The following CATSPERD variants were observed in gnomAD, a reference collection of about 807,000 sequenced individuals.
CATSPERD encodes catsper channel auxiliary subunit delta.
In CATSPERD, 86 loss-of-function variants were observed where a neutral mutation model predicts 98.1. The observed-to-expected ratio is 0.88, with a 90% CI of 0.74 to 1.05. The LOEUF is 1.05. Ranked by LOEUF, CATSPERD falls within the 50% of genes least tolerant of loss-of-function variation. CATSPERD has a pLI of 0.00. For missense variants in CATSPERD, 995 were observed against 1,005.7 expected (o/e 0.99, Z 0.14); for synonymous variants, 394 against 390.2 (o/e 1.01, Z -0.12).
chr19:5,762,058 A>ATATATATATATATATTTTTTTTTT lies in CATSPERD; in HGVS notation c.1428-1156_1428-1155insATATATATATATATTTTTTTTTTT. Among the ~76,000 whole-genome samples, 17 of 10,430 alleles carry ATATATATATATATATTTTTTTTTT rather than the reference A, an allele frequency of 1.6e-3. 1 individual carries two copies. The highest frequency in any genetic ancestry group is 2.3e-3 in the Non-Finnish European group (13 of 5,576). 6.8% of individuals were successfully genotyped at this position (10,430 alleles called of 152,430 possible). On this transcript the variant is annotated intron_variant, in intron 15 of 21. Transcript: ENST00000381624. ...TGGCCTGCCATATATATATATATAT[A>ATATATATATATATATTTTTTTTTT]TTTTTTTTTTTTTTTTTTTTTTTGA...
chr19:5,761,715 T>C (rs1322447381), intron 15 of CATSPERD, among the ~76,000 whole-genome samples: 2 of 118,008 alleles, frequency 1.7e-5, no homozygotes, highest in African/African-American at 6.1e-5. Context: ...TTTTTTTTTT[T>C]TTCTGAGATG....
chr19:5,758,203 T>C (rs936782655), intron 14 of CATSPERD, among the ~76,000 whole-genome samples: 5 of 151,940 alleles, frequency 3.3e-5, no homozygotes, highest in Admixed American at 2.6e-4. Flanking sequence ...AACTGAGGCA[T>C]GAGGATTGCG....
intron 13 of CATSPERD, among the ~76,000 whole-genome samples, 174 bp from the exon 14 acceptor site, chr19:5,757,669 G>A (rs2056351209): frequency 6.8e-6 from 1 of 146,774 alleles, no homozygotes; most frequent in Admixed American, 7.0e-5. Flanking sequence ...TTGAACTCCT[G>A]GGCTCAAGCA....
At chr19:5,748,732 T>A (rs1160908078) in intron 10 of CATSPERD, among the ~76,000 whole-genome samples, 2 of 138,708 alleles carry the variant, frequency 1.4e-5, no homozygotes, top group African/African-American at 5.3e-5. Context: ...ATTATTCTTT[T>A]TTTTTTTTTT....
At chr19:5,732,704 G>T (rs909777373) in intron 4 of CATSPERD, among the ~76,000 whole-genome samples, 1 of 151,656 alleles carries the variant, frequency 6.6e-6, no homozygotes, top group Non-Finnish European at 1.5e-5. Context: ...TTTTGAGACC[G>T]AGTCTCTGTC....
rs546159730 is a variant in CATSPERD, at chr19:5,726,019, A to G, written c.126+1157A>G. The stretch of plus-strand genomic sequence containing the variant: ...TAATCATCTGTAAACAAATAGTAAC[A>G]TGAATAGGTATGAGATGTGATATGA... On this transcript the variant is annotated intron_variant, in intron 2 of 21. Coordinates refer to ENST00000381624, the MANE Select transcript of CATSPERD (RefSeq NM_152784.4). Among the ~76,000 whole-genome samples the G allele has an allele frequency of 1.9e-4, 29 of 152,200 alleles. 1 individual carries two copies. The South Asian group carries it at 5.8e-3, about 31-fold the overall frequency.
At chr19:5,752,077 G>T (rs754737260) in intron 12 of CATSPERD, among the ~76,000 whole-genome samples, 1 of 152,118 alleles carries the variant, frequency 6.6e-6, no homozygotes, top group Non-Finnish European at 1.5e-5. Flanking sequence ...GGGAGACTGA[G>T]GCAGGTGGAT....
chr19:5,774,988 G>T (rs2056714955), intron 20 of CATSPERD, among the ~76,000 whole-genome samples: 1 of 152,166 alleles, frequency 6.6e-6, no homozygotes, highest in South Asian at 2.1e-4. Flanking sequence ...CTGCACTCCA[G>T]CCTGGGGGAC....
intron 9 of CATSPERD, among the ~76,000 whole-genome samples, chr19:5,746,898 A>G (rs2056105630): frequency 6.6e-6 from 1 of 151,874 alleles, no homozygotes; most frequent in African/African-American, 2.4e-5. Context: ...GCTGGAATGC[A>G]GTGGTGCAAT....
chr19:5,733,335 C>CTTT lies in CATSPERD; in HGVS notation c.277-521_277-520insTTT, dbSNP rs1307265155. ...TCTTTCTTTCTTTCTTTCTTTCTTT[C>CTTT]CTTTCTTTCTTTCTTCCTTCCTTCC... On this transcript the variant is annotated intron_variant, in intron 4 of 21. Transcript: ENST00000381624. 1.4e-4 allele frequency among the ~76,000 whole-genome samples: 17 copies of CTTT among 122,960 alleles called. 1 individual carries two copies. The highest frequency in any genetic ancestry group is 5.2e-4 in the African/African-American group (16 of 30,544). The allele number at this position is 122,960 out of a possible 152,430, so 80.7% of individuals were successfully genotyped here. A position where few individuals can be genotyped will look rare whatever the true frequency, so the allele number is the denominator to read the frequency against.
At chr19:5,731,411 C>A (rs920814908) in intron 4 of CATSPERD, among the ~76,000 whole-genome samples, 1 of 151,882 alleles carries the variant, frequency 6.6e-6, no homozygotes, top group African/African-American at 2.4e-5. Context: ...TTGCTTGAGC[C>A]GGGAGCTAGA....
intron 13 of CATSPERD, 118 bp downstream of exon 13, chr19:5,754,363 C>A: frequency 3.9e-6 from 2 of 518,264 alleles, no homozygotes; most frequent in Non-Finnish European, 7.2e-6. Flanking sequence ...CTCGCACACT[C>A]ACAATTCTGC....
chr19:5,734,878 GGAT>G (rs1457627681), intron 5 of CATSPERD, among the ~76,000 whole-genome samples: 1 of 151,966 alleles, frequency 6.6e-6, no homozygotes, highest in Admixed American at 6.6e-5. Flanking sequence ...GGAAAACTGA[GGAT>G]GACCAGTAGA....
intron 21 of CATSPERD, among the ~76,000 whole-genome samples, chr19:5,777,174 C>T (rs983215843): frequency 6.6e-6 from 1 of 152,094 alleles, no homozygotes; most frequent in Non-Finnish European, 1.5e-5. Flanking sequence ...ATCACCTGTC[C>T]TCTCCAGTAG....
intron 13 of CATSPERD, among the ~76,000 whole-genome samples, chr19:5,755,659 G>A (rs567872425): frequency 6.6e-6 from 1 of 152,170 alleles, no homozygotes; most frequent in Non-Finnish European, 1.5e-5. Context: ...TGTAATCCCA[G>A]CTACTGGAGA....
At chr19:5,756,926 G>C (rs1033375579) in intron 13 of CATSPERD, among the ~76,000 whole-genome samples, 6 of 151,468 alleles carry the variant, frequency 4.0e-5, no homozygotes, top group African/African-American at 1.2e-4. Context: ...CTGGGTGACA[G>C]AGCAAGACTC....
intron 7 of CATSPERD, 60 bp from the exon 8 acceptor site, chr19:5,744,367 C>T (rs1285416520): frequency 3.6e-6 from 5 of 1,388,018 alleles, no homozygotes; most frequent in South Asian, 1.2e-5. Flanking sequence ...TGAAGTTAAA[C>T]CGACAAACAC....
chr19:5,747,092 G>A (rs904396077), intron 9 of CATSPERD, among the ~76,000 whole-genome samples: 2 of 151,008 alleles, frequency 1.3e-5, no homozygotes, highest in African/African-American at 4.9e-5. Flanking sequence ...CAATCCTCCT[G>A]CCTTGGCCTC....
intron 15 of CATSPERD, among the ~76,000 whole-genome samples, chr19:5,762,058 A>ATATATATATATAT: frequency 2.1e-3 from 22 of 10,448 alleles, no homozygotes; most frequent in East Asian, 5.8e-3. Context: ...ATATATATAT[A>ATATATATATATAT]TTTTTTTTTT....
Sources: allele counts gnomAD v4.1 joint callset (sites outside exome capture counted in the v4.1 genomes callset), GRCh38; gene constraint gnomAD v4.1.1; transcripts MANE v1.5; gene names NCBI Gene and HGNC (gene_info 2026-07-23, HGNC 2026-07-21).